Variants in DDX60 observed in about 807,000 individuals in gnomAD.
DDX60 encodes probable ATP-dependent RNA helicase DDX60.
In DDX60, 165 loss-of-function variants were observed where a neutral mutation model predicts 212.8. That is an observed-to-expected ratio of 0.78 (90% CI 0.68 to 0.88). DDX60 has a LOEUF of 0.88. Among genes scored for constraint, DDX60 ranks in the 40% least tolerant of loss-of-function variants. The pLI is 0.00. For synonymous variants in DDX60, 703 were observed against 685.3 expected (o/e 1.03, Z -0.40); for missense variants, 1,905 against 2,003.9 (o/e 0.95, Z 0.94).
At chr4:168,265,207 C>G (rs1027518791) in intron 22 of DDX60, among the ~76,000 whole-genome samples, 1 of 152,198 alleles carries the variant, frequency 6.6e-6, no homozygotes, top group Non-Finnish European at 1.5e-5. Context: ...GTCCTGCCCC[C>G]ACTCCTGAAA....
At chr4:168,300,592 G>GTA (rs1290401009) in intron 6 of DDX60, among the ~76,000 whole-genome samples, 2 of 151,960 alleles carry the variant, frequency 1.3e-5, no homozygotes, top group East Asian at 3.9e-4. Context: ...GTGTGTGTGT[G>GTA]TGTGTGTGTG....
chr4:168,289,939 G>C (rs1429190387), intron 8 of DDX60, among the ~76,000 whole-genome samples: 4 of 151,936 alleles, frequency 2.6e-5, no homozygotes, highest in Non-Finnish European at 5.9e-5. Context: ...AGTCCCCCCT[G>C]TTTTGCCTCT....
chr4:168,312,726 A>G (rs1245464978), intron 1 of DDX60, among the ~76,000 whole-genome samples: 4 of 150,388 alleles, frequency 2.7e-5, no homozygotes, highest in Admixed American at 2.6e-4. Context: ...TGATGGATAC[A>G]CAGATAGATA....
At chr4:168,246,642 T>C (rs374660138) in intron 29 of DDX60, 24 bp from the exon 30 acceptor site, 5 of 1,611,808 alleles carry the variant, frequency 3.1e-6, no homozygotes, top group African/African-American at 2.7e-5. Context: ...AGAATTACAA[T>C]GTAAAACTTC....
At position 168,268,155 on chromosome 4, in the gene DDX60, T is replaced by A. The variant is rs76255839; in HGVS notation, c.2787-172A>T. 5.2e-3 allele frequency among the ~76,000 whole-genome samples: 787 copies of A among 152,306 alleles called. 6 individuals are homozygous for A. Among genetic ancestry groups the A allele is most frequent in the East Asian group, 0.04 (206 of 5,186 alleles). ...CCCAACCTTCTTAGTAATAGCTGTG[T>A]CTCTTGGTTGAATAACTTCATCTTT... On this transcript the variant is annotated intron_variant, in intron 20 of 37. Transcript: ENST00000393743.
intron 19 of DDX60, among the ~76,000 whole-genome samples, chr4:168,269,868 T>A (rs1735015665): frequency 6.6e-6 from 1 of 152,120 alleles, no homozygotes; most frequent in African/African-American, 2.4e-5. Flanking sequence ...TCCCTCTGCT[T>A]AAAATACTCT....
chr4:168,220,788 C>A, intron 36 of DDX60, 71 bp from the exon 37 acceptor site: 1 of 828,412 alleles, frequency 1.2e-6, no homozygotes, highest in Admixed American at 3.4e-5. Context: ...TATTTAAATG[C>A]TGAATTTATC....
intron 33 of DDX60, among the ~76,000 whole-genome samples, chr4:168,235,624 C>G (rs1236638403): frequency 6.6e-6 from 1 of 151,976 alleles, no homozygotes; most frequent in Non-Finnish European, 1.5e-5. Context: ...TGTTCCATAG[C>G]AACTTTTCAC....
At position 168,277,883 on chromosome 4, in the gene DDX60, AT is replaced by A. The variant is rs536462431; in HGVS notation, c.1979-1703del. On this transcript the variant is annotated intron_variant, in intron 14 of 37. Coordinates refer to ENST00000393743, the MANE Select transcript of DDX60 (RefSeq NM_017631.6). ...ATCATATGTTTTTAAATTGCACACC[AT>A]TTTGAGTCGTGTGATGAAATCTCGC... is the stretch of plus-strand genomic sequence containing the variant. Among the ~76,000 whole-genome samples the A allele has an allele frequency of 9.2e-4, 139 of 151,908 alleles. 1 individual carries two copies. The highest frequency in any genetic ancestry group is 3.2e-3 in the African/African-American group (134 of 41,438).
chr4:168,296,720 C>G (rs1048250387), intron 6 of DDX60, among the ~76,000 whole-genome samples: 4 of 151,572 alleles, frequency 2.6e-5, no homozygotes, highest in Admixed American at 6.6e-5. Flanking sequence ...AAAATAATAG[C>G]AGGAAAAAAA....
chr4:168,272,309 T>A (rs538216930), intron 18 of DDX60, among the ~76,000 whole-genome samples, 171 bp from the exon 19 acceptor site: 1 of 152,352 alleles, frequency 6.6e-6, no homozygotes, highest in East Asian at 1.9e-4. Flanking sequence ...CTATATTCAT[T>A]GGAACCATAT....
rs1267864111 is a variant in DDX60 at position 168,262,760 on chromosome 4, G to A, written c.3067C>T (p.Leu1023Phe). 1.9e-6 allele frequency: 3 copies of A among 1,611,040 alleles called. No homozygotes were observed. Among genetic ancestry groups the A allele is most frequent in the Non-Finnish European group, 1.7e-6 (2 of 1,178,372 alleles). Reference protein sequence around the residue: ...HIERYGFPPDLTLSPRESIQL... With the variant: ...HIERYGFPPDFTLSPRESIQL... The stretch of plus-strand genomic sequence containing the variant: ...ATGCTTTCTCGAGGTGAAAGGGTAA[G>A]ATCAGGAGGGAATCCATACCTTTCA... Residue 1023 changes from leucine (L) to phenylalanine (F), a missense_variant, in exon 23 of 38, where the codon CTT becomes TTT. By Grantham distance (22) the Leu-to-Phe change is conservative (BLOSUM62 0). Coordinates refer to ENST00000393743, the MANE Select transcript of DDX60 (RefSeq NM_017631.6).
intron 14 of DDX60, among the ~76,000 whole-genome samples, chr4:168,277,762 T>C (rs1489044296): frequency 7.5e-6 from 1 of 133,022 alleles, no homozygotes; most frequent in African/African-American, 2.9e-5. Context: ...TGAGCCGAGA[T>C]AGTGCCACTG....
chr4:168,284,264 T>G (rs940952897), intron 12 of DDX60, among the ~76,000 whole-genome samples: 1 of 152,216 alleles, frequency 6.6e-6, no homozygotes, highest in African/African-American at 2.4e-5. Context: ...AGGAGCATAC[T>G]TGCTATGCCT....
rs764608832 is a variant in DDX60, at chr4:168,280,390, C to A, written c.1923G>T (p.Met641Ile). 7 of 1,614,032 alleles carry A rather than the reference C, an allele frequency of 4.3e-6. No homozygotes were observed. The highest frequency in any genetic ancestry group is 5.1e-6 in the Non-Finnish European group (6 of 1,180,024). ...KSSCVKLQVEMVGLTACLKAW... is the reference protein window; with the variant it reads ...KSSCVKLQVEIVGLTACLKAW... ...CTTTCAAGCAAGCAGTTAACCCCAC[C>A]ATTTCAACCTGAAGTTTCACACAGC... The change falls in exon 14 of 38, where the codon ATG becomes ATT. Residue 641 changes from methionine to isoleucine, a missense_variant. By Grantham distance (10) the Met-to-Ile change is conservative (BLOSUM62 1). Transcript: ENST00000393743.
intron 37 of DDX60, among the ~76,000 whole-genome samples, 188 bp from the exon 38 acceptor site, chr4:168,217,220 T>C (rs564864321): frequency 1.3e-5 from 2 of 152,264 alleles, no homozygotes; most frequent in East Asian, 3.9e-4. Flanking sequence ...TAAGAAAAGA[T>C]AACAAAACAA....
At chr4:168,229,646 A>T (rs1169033328) in intron 33 of DDX60, among the ~76,000 whole-genome samples, 1 of 152,018 alleles carries the variant, frequency 6.6e-6, no homozygotes, top group African/African-American at 2.4e-5. Flanking sequence ...CTGCTCACAG[A>T]TTGCCTGGAA....
At chr4:168,243,735 C>T (rs1241788286) in intron 30 of DDX60, among the ~76,000 whole-genome samples, 1 of 152,138 alleles carries the variant, frequency 6.6e-6, no homozygotes, top group Non-Finnish European at 1.5e-5. Context: ...TACCACTTGA[C>T]CCAGCAATTC....
At chr4:168,229,526 G>T (rs1733373534) in intron 33 of DDX60, among the ~76,000 whole-genome samples, 1 of 151,954 alleles carries the variant, frequency 6.6e-6, no homozygotes, top group African/African-American at 2.4e-5. Context: ...GGGTAAACAG[G>T]GAGTGCAGAT....
Sources: gnomAD v4.1 joint callset for allele counts (sites outside exome capture counted in the v4.1 genomes callset) on GRCh38, gnomAD v4.1.1 for gene constraint, MANE v1.5 for transcripts, NCBI Gene and HGNC (gene_info 2026-07-23, HGNC 2026-07-21) for gene names.